The following XPO6 variants were observed in gnomAD, a reference collection of about 807,000 sequenced individuals.
XPO6 encodes exportin-6.
Under a neutral mutation model 130.0 loss-of-function variants are expected in XPO6, and 3 were observed. The observed-to-expected ratio is 0.02, with a 90% CI of 0.01 to 0.06. XPO6 has a LOEUF of 0.06. Ranked by LOEUF, XPO6 falls within the 10% of genes least tolerant of loss-of-function variation. The pLI, the probability that XPO6 is intolerant of heterozygous loss-of-function variation, is 1.00. For missense variants in XPO6, 970 were observed against 1,393.0 expected (o/e 0.70, Z 4.83); for synonymous variants, 524 against 548.9 (o/e 0.95, Z 0.63).
chr16:28,121,590 C>T (rs1337138413), intron 14 of XPO6, 80 bp downstream of exon 14: 1 of 1,072,076 alleles, frequency 9.3e-7, no homozygotes, highest in African/African-American at 1.6e-5. Context: ...CACTACTGTT[C>T]CTTTTTCTCA....
chr16:28,137,645 T>A (rs1459415200), intron 9 of XPO6, among the ~76,000 whole-genome samples: 5 of 149,426 alleles, frequency 3.3e-5, no homozygotes, highest in Admixed American at 2.7e-4. Flanking sequence ...AGAGTATCTT[T>A]TTTTTTTTTA....
Position 28,155,923 on chromosome 16 carries a change from CAG to C in XPO6, c.1097+149_1097+150del, listed in dbSNP as rs1216429834. On this transcript the variant is annotated intron_variant, in intron 7 of 23. Transcript: ENST00000304658. Reference sequence around the variant, plus strand: ...CCACCCAAGCCCTTCCAGCTAATCTCAGACTTACTGGCACACACCTACCTTTC... The same window carrying C: ...CCACCCAAGCCCTTCCAGCTAATCTCACTTACTGGCACACACCTACCTTTC... The C allele has an allele frequency of 4.2e-6, 6 of 1,412,394 alleles. No homozygotes were observed. The African/African-American group carries it at 5.8e-5, about 14-fold the overall frequency. 87.5% of individuals were successfully genotyped at this position (1,412,394 alleles called of 1,614,324 possible). A position where few individuals can be genotyped will look rare whatever the true frequency, so the allele number is the denominator to read the frequency against.
chr16:28,160,188 A>T (rs1315802626), intron 6 of XPO6, among the ~76,000 whole-genome samples: 6 of 19,196 alleles, frequency 3.1e-4, no homozygotes, highest in African/African-American at 7.6e-4. Context: ...CCGTCTTAAA[A>T]AAAAAAAAAA....
chr16:28,208,978 CAT>C lies in XPO6; in HGVS notation c.3+2386_3+2387del, dbSNP rs2044080048. ...ATGAAAGGATATATGAAATGCAGCA[CAT>C]ACTCACAATGGAATTCAGCTTTCAA... On this transcript the variant is annotated intron_variant, in intron 1 of 23. Coordinates refer to ENST00000304658, the MANE Select transcript of XPO6 (RefSeq NM_015171.4). 3 of 152,372 alleles carry C rather than the reference CAT, an allele frequency of 2.0e-5. No homozygotes were observed. The South Asian group carries it at 6.2e-4, about 32-fold the overall frequency. The allele number at this position is 152,372 out of a possible 1,614,324, so 9.4% of individuals were successfully genotyped here. A position where few individuals can be genotyped will look rare whatever the true frequency, so the allele number is the denominator to read the frequency against.
chr16:28,146,206 A>G lies in XPO6; in HGVS notation c.1225-3T>C. 1 of 1,602,538 alleles carries G rather than the reference A, an allele frequency of 6.2e-7. No homozygotes were observed. The highest frequency in any genetic ancestry group is 8.5e-7 in the Non-Finnish European group (1 of 1,169,854). ...GAGAAGTAACCTTCATGAGTAGGCT[A>G]TGGTACAAAAAAAATCCAGACAATG... On this transcript the variant is annotated splice_region_variant and splice_polypyrimidine_tract_variant and intron_variant, in intron 8 of 23. Transcript: ENST00000304658.
chr16:28,116,133 T>C (rs546137863), intron 15 of XPO6, among the ~76,000 whole-genome samples: 1 of 152,362 alleles, frequency 6.6e-6, no homozygotes, highest in Admixed American at 6.5e-5. Flanking sequence ...CAAGAACTTT[T>C]CCTTTGCATT....
In XPO6 at chr16:28,132,415, G is replaced by T; in HGVS notation, c.1537-12C>A. The T allele has an allele frequency of 6.3e-7, 1 of 1,581,162 alleles. No individual in the cohort carries two copies. The highest frequency in any genetic ancestry group is 8.6e-7 in the Non-Finnish European group (1 of 1,164,524). On this transcript the variant is annotated splice_polypyrimidine_tract_variant and intron_variant, in intron 11 of 23. Coordinates refer to ENST00000304658, the MANE Select transcript of XPO6 (RefSeq NM_015171.4). This position sits in a 1 kb window ranked among gnomAD's most constrained non-coding sequence, Gnocchi z 4.0. The stretch of plus-strand genomic sequence containing the variant: ...TGAAGAACAGGGAACTGAAAACAAA[G>T]AAACAAAAACAACAAAAATTTTAAG...
chr16:28,206,311 C>A (rs1243731297), intron 1 of XPO6, among the ~76,000 whole-genome samples: 1 of 151,854 alleles, frequency 6.6e-6, no homozygotes, highest in African/African-American at 2.4e-5. Context: ...GAGGCTGAGG[C>A]AAGAGGACTG....
intron 1 of XPO6, chr16:28,183,427 T>TAAAAA (rs57387320): frequency 7.9e-6 from 1 of 126,872 alleles, no homozygotes; most frequent in Non-Finnish European, 1.7e-5. Context: ...TTCACTAGTT[T>TAAAAA]AAAAAAAAAA....
At chr16:28,114,128 C>A (rs2086995312) in intron 15 of XPO6, among the ~76,000 whole-genome samples, 1 of 150,672 alleles carries the variant, frequency 6.6e-6, no homozygotes, top group African/African-American at 2.4e-5. Context: ...TCCTTCAGGC[C>A]CACTAGCATA....
chr16:28,174,784 T>G (rs1421142227), intron 4 of XPO6, among the ~76,000 whole-genome samples: 1 of 152,238 alleles, frequency 6.6e-6, no homozygotes, highest in Non-Finnish European at 1.5e-5. Context: ...TCACTGAGAC[T>G]ATAAACAATT....
chr16:28,108,255 T>C (rs1026600537), intron 17 of XPO6, among the ~76,000 whole-genome samples: 2 of 152,210 alleles, frequency 1.3e-5, no homozygotes, highest in Admixed American at 1.3e-4. Context: ...ATAAGGCATA[T>C]AATTACTGTT....
intron 21 of XPO6, among the ~76,000 whole-genome samples, chr16:28,103,053 G>T (rs1339472317): frequency 6.6e-6 from 1 of 152,102 alleles, no homozygotes; most frequent in Non-Finnish European, 1.5e-5. Context: ...GTAAACTTTT[G>T]AGGTTTATCT....
chr16:28,201,125 C>G (rs545517492), intron 1 of XPO6, among the ~76,000 whole-genome samples: 1 of 152,276 alleles, frequency 6.6e-6, no homozygotes, highest in African/African-American at 2.4e-5. Flanking sequence ...CACACCACCC[C>G]CCACAGCACT....
intron 1 of XPO6, among the ~76,000 whole-genome samples, chr16:28,190,503 C>A (rs968489759): frequency 7.0e-4 from 106 of 152,124 alleles, no homozygotes; most frequent in African/African-American, 2.5e-3. Context: ...GGATTACAGG[C>A]CTGAGCCAGC....
intron 10 of XPO6, 36 bp downstream of exon 10, chr16:28,135,180 A>T: frequency 1.3e-6 from 2 of 1,561,962 alleles, no homozygotes; most frequent in Non-Finnish European, 1.8e-6. Context: ...TCACAACATG[A>T]CAGCGACAAA....
chr16:28,116,479 CAAA>C (rs771991055), intron 15 of XPO6, among the ~76,000 whole-genome samples: 1 of 94,978 alleles, frequency 1.1e-5, no homozygotes, highest in Non-Finnish European at 2.3e-5. Flanking sequence ...ACAAAAACGA[CAAA>C]AAAAAAAAAA....
intron 10 of XPO6, 80 bp downstream of exon 10, chr16:28,135,136 G>A (rs2042750196): frequency 3.5e-6 from 4 of 1,158,812 alleles, no homozygotes; most frequent in Non-Finnish European, 5.1e-6. Flanking sequence ...CGGAGCAGAG[G>A]GCTCTGGGTT....
At chr16:28,186,371 A>ATTTTTTTTTTTTTTTTTTTT (rs1237138991) in intron 1 of XPO6, among the ~76,000 whole-genome samples, 8 of 10,130 alleles carry the variant, frequency 7.9e-4, no homozygotes, top group African/African-American at 1.6e-3. Flanking sequence ...TGCCCCAGTT[A>ATTTTTTTTTTTTTTTTTTTT]TTCTTTTTTT....
Sources: gnomAD v4.1 joint callset for allele counts (sites outside exome capture counted in the v4.1 genomes callset) on GRCh38, gnomAD v4.1.1 for gene constraint, Gnocchi (gnomAD v3.1) non-coding constraint, MANE v1.5 for transcripts, NCBI Gene and HGNC (gene_info 2026-07-23, HGNC 2026-07-21) for gene names.